The following SUCLG2 variants were observed in gnomAD, a reference collection of about 807,000 sequenced individuals.
The protein encoded by SUCLG2 is succinate--CoA ligase [GDP-forming] subunit beta, mitochondrial.
In SUCLG2, 42 loss-of-function variants were observed where a neutral mutation model predicts 47.9. That is an observed-to-expected ratio of 0.88 (90% CI 0.69 to 1.14). SUCLG2 has a LOEUF of 1.14. SUCLG2 is among the 50% of genes most tolerant of loss of function. The pLI is 0.00. For missense variants in SUCLG2, 571 were observed against 525.9 expected (o/e 1.09, Z -0.84); for synonymous variants, 195 against 197.3 (o/e 0.99, Z 0.10).
At chr3:67,585,091 G>A (rs13316918) in intron 2 of SUCLG2, among the ~76,000 whole-genome samples, 1,931 of 152,266 alleles carry the variant, frequency 0.013, 46 homozygotes, top group African/African-American at 0.045. Context: ...TAGCTTGTCA[G>A]AAAATTAAAA....
At chr3:67,433,477 G>A (rs746052161) in intron 9 of SUCLG2, among the ~76,000 whole-genome samples, 2 of 152,092 alleles carry the variant, frequency 1.3e-5, no homozygotes, top group African/African-American at 2.4e-5. Context: ...CGGTGGGTGT[G>A]GAAGGAGGGA....
intron 1 of SUCLG2, among the ~76,000 whole-genome samples, chr3:67,653,046 T>G (rs557158672): frequency 2.0e-5 from 3 of 152,258 alleles, no homozygotes; most frequent in Admixed American, 2.0e-4. Context: ...CAACCAGATT[T>G]TCTCCTGTGT....
intron 10 of SUCLG2, among the ~76,000 whole-genome samples, chr3:67,384,949 G>A (rs932072248): frequency 6.6e-6 from 1 of 152,190 alleles, no homozygotes; most frequent in Admixed American, 6.5e-5. Flanking sequence ...AGGTAGTTCT[G>A]CCTCAGGACA....
At chr3:67,442,506 T>C (rs1317599166) in intron 9 of SUCLG2, among the ~76,000 whole-genome samples, 1 of 152,198 alleles carries the variant, frequency 6.6e-6, no homozygotes, top group African/African-American at 2.4e-5. Flanking sequence ...TCCAGGGGAT[T>C]CTTATGCACA....
chr3:67,508,281 C>T (rs1705692256), intron 7 of SUCLG2, among the ~76,000 whole-genome samples: 1 of 152,160 alleles, frequency 6.6e-6, no homozygotes, highest in Non-Finnish European at 1.5e-5. Context: ...CGAAAAGTTC[C>T]AGTTCCATAA....
At chr3:67,462,741 T>C (rs1364542879) in intron 9 of SUCLG2, among the ~76,000 whole-genome samples, 2 of 152,228 alleles carry the variant, frequency 1.3e-5, no homozygotes, top group Admixed American at 1.3e-4. Context: ...ACCCAATTTA[T>C]AGCCGGTTGG....
intron 2 of SUCLG2, among the ~76,000 whole-genome samples, chr3:67,563,561 A>G (rs1707364658): frequency 6.6e-6 from 1 of 152,216 alleles, no homozygotes; most frequent in South Asian, 2.1e-4. Flanking sequence ...AAAAAATGGC[A>G]AAGTACAGAA....
chr3:67,441,919 T>A (rs1033236464), intron 9 of SUCLG2, among the ~76,000 whole-genome samples: 5 of 152,190 alleles, frequency 3.3e-5, no homozygotes, highest in Admixed American at 1.3e-4. Flanking sequence ...TTCTTTCCCA[T>A]CAGTATCTTG....
At chr3:67,477,382 C>T (rs1002089820) in intron 9 of SUCLG2, among the ~76,000 whole-genome samples, 3 of 152,174 alleles carry the variant, frequency 2.0e-5, no homozygotes, top group African/African-American at 4.8e-5. Context: ...GTACTTCTCA[C>T]AATCAGTCTG....
intron 10 of SUCLG2, among the ~76,000 whole-genome samples, chr3:67,381,746 G>A (rs914206364): frequency 1.3e-5 from 2 of 152,038 alleles, no homozygotes; most frequent in African/African-American, 4.8e-5. Context: ...GAAAATCAAA[G>A]GGGAATGAGT....
chr3:67,552,200 G>GA (rs1378261971), intron 2 of SUCLG2, among the ~76,000 whole-genome samples: 1 of 138,298 alleles, frequency 7.2e-6, no homozygotes, highest in African/African-American at 2.6e-5. Context: ...AAAGAAAAAA[G>GA]AAAAAATGGG....
intron 6 of SUCLG2, among the ~76,000 whole-genome samples, chr3:67,512,665 A>G (rs1379904294): frequency 1.3e-5 from 2 of 150,962 alleles, no homozygotes; most frequent in African/African-American, 2.5e-5. Context: ...CCATATCTCA[A>G]CCATTTTTGT....
chr3:67,601,881 C>A (rs1708426930), intron 2 of SUCLG2, among the ~76,000 whole-genome samples: 1 of 151,932 alleles, frequency 6.6e-6, no homozygotes, highest in African/African-American at 2.4e-5. Context: ...ACTCAGGAGG[C>A]TAAGTCATGA....
intron 9 of SUCLG2, among the ~76,000 whole-genome samples, chr3:67,449,219 C>G (rs1377111041): frequency 1.3e-5 from 2 of 152,178 alleles, no homozygotes; most frequent in Admixed American, 1.3e-4. Flanking sequence ...TCTCTTGCCC[C>G]TTTAGGAAAT....
At chr3:67,462,040 T>C (rs1704350258) in intron 9 of SUCLG2, among the ~76,000 whole-genome samples, 1 of 152,032 alleles carries the variant, frequency 6.6e-6, no homozygotes, top group Non-Finnish European at 1.5e-5. Flanking sequence ...GTGGTATTAT[T>C]TTACATATAT....
chr3:67,556,063 C>T (rs1039143997), intron 2 of SUCLG2, among the ~76,000 whole-genome samples: 1 of 152,116 alleles, frequency 6.6e-6, no homozygotes, highest in African/African-American at 2.4e-5. Context: ...GGTTGAGAGA[C>T]GTTCTAAACA....
chr3:67,482,581 G>C (rs1472584153), intron 9 of SUCLG2, among the ~76,000 whole-genome samples: 1 of 152,286 alleles, frequency 6.6e-6, no homozygotes, highest in East Asian at 1.9e-4. Flanking sequence ...TGGTCGTTCA[G>C]CTTAATGGAG....
chr3:67,616,511 G>C (rs932238497), intron 1 of SUCLG2, among the ~76,000 whole-genome samples: 1 of 151,974 alleles, frequency 6.6e-6, no homozygotes, highest in African/African-American at 2.4e-5. Context: ...ACTTGGGAAG[G>C]GCAGACCAAG....
At chr3:67,592,172 G>A (rs1167177224) in intron 2 of SUCLG2, among the ~76,000 whole-genome samples, 1 of 152,190 alleles carries the variant, frequency 6.6e-6, no homozygotes. Context: ...TAGAAGAAAA[G>A]TATTTAGAAC....
Sources: gnomAD v4.1 joint callset for allele counts (sites outside exome capture counted in the v4.1 genomes callset) on GRCh38, gnomAD v4.1.1 for gene constraint, MANE v1.5 for transcripts, NCBI Gene and HGNC (gene_info 2026-07-23, HGNC 2026-07-21) for gene names.